DIP2C: variants seen among roughly 807,000 people sequenced by gnomAD.
DIP2C encodes DIP2 acetate--CoA ligase C (putative).
A neutral mutation model predicts 192.4 loss-of-function variants in DIP2C; 33 were observed. The observed-to-expected ratio is 0.17, with a 90% CI of 0.13 to 0.23. The LOEUF is 0.23. DIP2C is among the 10% of genes least tolerant of loss of function. The pLI, the probability that DIP2C is intolerant of heterozygous loss-of-function variation, is 1.00. For synonymous variants in DIP2C, 979 were observed against 864.1 expected (o/e 1.13, Z -2.33); for missense variants, 1,537 against 2,110.1 (o/e 0.73, Z 5.32).
intron 1 of DIP2C, among the ~76,000 whole-genome samples, chr10:671,955 A>G (rs1392804569): frequency 6.9e-6 from 1 of 144,980 alleles, no homozygotes; most frequent in Non-Finnish European, 1.5e-5. Context: ...ACACGGAAGG[A>G]GGAAACAGGC....
chr10:289,572 T>C (rs965989500), intron 32 of DIP2C, among the ~76,000 whole-genome samples: 10 of 152,076 alleles, frequency 6.6e-5, no homozygotes, highest in Admixed American at 4.6e-4. Context: ...CAGCCCTCAC[T>C]GAGATTTGAA....
intron 29 of DIP2C, among the ~76,000 whole-genome samples, chr10:330,636 G>A (rs1319385715): frequency 6.9e-6 from 1 of 144,020 alleles, no homozygotes; most frequent in East Asian, 2.1e-4. Flanking sequence ...CCACAGGTGT[G>A]CACCACCATG....
At chr10:578,379 G>A (rs555167400) in intron 1 of DIP2C, among the ~76,000 whole-genome samples, 2 of 152,212 alleles carry the variant, frequency 1.3e-5, no homozygotes, top group Non-Finnish European at 2.9e-5. Context: ...TTGAGCTGAG[G>A]GCTGACAAAG....
At chr10:333,266 A>T (rs1257569852) in intron 29 of DIP2C, among the ~76,000 whole-genome samples, 1 of 152,194 alleles carries the variant, frequency 6.6e-6, no homozygotes. Flanking sequence ...AGTTTCACTC[A>T]TTTTAAGCAC....
intron 3 of DIP2C, among the ~76,000 whole-genome samples, chr10:468,125 G>T (rs539640327): frequency 2.6e-5 from 4 of 152,240 alleles, no homozygotes; most frequent in Non-Finnish European, 4.4e-5. Flanking sequence ...AAAGCAGACA[G>T]AAAATTGTGA....
At position 288,365 on chromosome 10, in the gene DIP2C, T is replaced by A. The variant is rs369917490; in HGVS notation, c.4043A>T (p.Lys1348Met). The change falls in exon 33 of 37, where the codon AAG becomes ATG. Residue 1348 changes from lysine to methionine, a missense_variant and splice_region_variant. Coordinates refer to ENST00000280886, the MANE Select transcript of DIP2C (RefSeq NM_014974.3). ...CGTGCCTCTTCCTATAATACTTACC[T>A]TTCCCGATTCCATCAGGGGCAGACT... Reference protein sequence around the residue: ...PHSLPLMESGKILPGVRIIIA... With the variant: ...PHSLPLMESGMILPGVRIIIA... 5 of 1,613,904 alleles carry A rather than the reference T, an allele frequency of 3.1e-6. No homozygotes were observed. The highest frequency in any genetic ancestry group is 4.2e-6 in the Non-Finnish European group (5 of 1,179,914).
intron 11 of DIP2C, 89 bp downstream of exon 11, chr10:390,651 A>G: frequency 6.5e-7 from 1 of 1,544,436 alleles, no homozygotes; most frequent in Middle Eastern, 2.1e-4. Flanking sequence ...TCCACAGAGG[A>G]TTGAAACCGA....
At position 395,431 on chromosome 10, in the gene DIP2C, TTAAAA is replaced by T. The variant is rs138336067; in HGVS notation, c.1260+3673_1260+3677del. The stretch of plus-strand genomic sequence containing the variant: ...AATGTATATAATTATAACTTGTCAG[TTAAAA>T]TAATATTTAAAAAGTAAAATCAAGT... On this transcript the variant is annotated intron_variant, in intron 10 of 36. Coordinates refer to ENST00000280886, the MANE Select transcript of DIP2C (RefSeq NM_014974.3). 7.4e-3 allele frequency among the ~76,000 whole-genome samples: 1,127 copies of T among 152,260 alleles called. 9 individuals are homozygous for T. Among genetic ancestry groups the T allele is most frequent in the African/African-American group, 0.026 (1,093 of 41,540 alleles).
At chr10:559,322 T>TGGGGAGCGCCG (rs1849069858) in intron 1 of DIP2C, among the ~76,000 whole-genome samples, 2 of 150,636 alleles carry the variant, frequency 1.3e-5, no homozygotes, top group African/African-American at 2.4e-5. Flanking sequence ...ATGGGGGCGG[T>TGGGGAGCGCCG]GGGGAACGCC....
chr10:484,104 C>T (rs769482186), intron 2 of DIP2C, among the ~76,000 whole-genome samples: 2 of 152,210 alleles, frequency 1.3e-5, no homozygotes, highest in South Asian at 2.1e-4. Flanking sequence ...CCACCACCCC[C>T]GGCCTTGTAT....
Position 611,042 on chromosome 10 carries a change from C to T in DIP2C, c.85+78452G>A, listed in dbSNP as rs370160495. On this transcript the variant is annotated intron_variant, in intron 1 of 36. Coordinates refer to ENST00000280886, the MANE Select transcript of DIP2C (RefSeq NM_014974.3). ...GCCCTGGTGGGAGGTGACTGACTCA[C>T]GGGGGTGCTTTCTAACACCCAGTGT... 1.8e-3 allele frequency among the ~76,000 whole-genome samples: 197 copies of T among 110,856 alleles called. 3 individuals carry two copies. The Middle Eastern group carries it at 0.029, about 17-fold the overall frequency. 72.7% of individuals were successfully genotyped at this position (110,856 alleles called of 152,430 possible). A position where few individuals can be genotyped will look rare whatever the true frequency, so the allele number is the denominator to read the frequency against.
At position 541,600 on chromosome 10, in the gene DIP2C, C is replaced by T. The variant is rs565635074; in HGVS notation, c.86-55070G>A. Among the ~76,000 whole-genome samples, 6 of 139,508 alleles carry T rather than the reference C, an allele frequency of 4.3e-5. No homozygotes were observed. In the East Asian group the frequency reaches 6.8e-4, roughly 16 times the overall value. The allele number at this position is 139,508 out of a possible 152,430, so 91.5% of individuals were successfully genotyped here. A position where few individuals can be genotyped will look rare whatever the true frequency, so the allele number is the denominator to read the frequency against. On this transcript the variant is annotated intron_variant, in intron 1 of 36. Coordinates refer to ENST00000280886, the MANE Select transcript of DIP2C (RefSeq NM_014974.3). ...CTCTCCTGGATCCCACAGCGTGACC[C>T]TCCACATGACCACACCCATCTCTCC...
chr10:597,072 G>A (rs1343714162), intron 1 of DIP2C, among the ~76,000 whole-genome samples: 2 of 152,224 alleles, frequency 1.3e-5, no homozygotes, highest in South Asian at 2.1e-4. Context: ...ATCCTCGCCA[G>A]TGTAGGGGGC....
intron 22 of DIP2C, among the ~76,000 whole-genome samples, chr10:360,130 C>T (rs549594009): frequency 1.3e-5 from 2 of 152,314 alleles, no homozygotes; most frequent in African/African-American, 2.4e-5. Context: ...TACATGAAGA[C>T]GTAGCACGTT....
At chr10:603,159 G>A (rs1035065475) in intron 1 of DIP2C, among the ~76,000 whole-genome samples, 4 of 151,898 alleles carry the variant, frequency 2.6e-5, no homozygotes, top group Non-Finnish European at 5.9e-5. Context: ...CATATACTAA[G>A]TATATAAAAC....
intron 1 of DIP2C, among the ~76,000 whole-genome samples, chr10:503,515 T>TA (rs1845394147): frequency 6.6e-6 from 1 of 152,206 alleles, no homozygotes; most frequent in Non-Finnish European, 1.5e-5. Context: ...AGATGTATCT[T>TA]AAAGCTGGCG....
At chr10:423,545 C>A (rs1966356179) in intron 4 of DIP2C, among the ~76,000 whole-genome samples, 1 of 152,142 alleles carries the variant, frequency 6.6e-6, no homozygotes, top group Admixed American at 6.5e-5. Context: ...GACACCCATG[C>A]AGCTGATTTA....
At chr10:359,338 G>C (rs749552407) in intron 22 of DIP2C, among the ~76,000 whole-genome samples, 1 of 152,176 alleles carries the variant, frequency 6.6e-6, no homozygotes, top group Non-Finnish European at 1.5e-5. Context: ...TATCACAGCT[G>C]CGCAGGAGAA....
chr10:546,942 C>T (rs1325026529), intron 1 of DIP2C, among the ~76,000 whole-genome samples: 1 of 152,186 alleles, frequency 6.6e-6, no homozygotes, highest in Admixed American at 6.5e-5. Flanking sequence ...TCAATTTGTT[C>T]ATTTTTCAGG....
Sources: gnomAD v4.1 joint callset for allele counts (sites outside exome capture counted in the v4.1 genomes callset) on GRCh38, gnomAD v4.1.1 for gene constraint, MANE v1.5 for transcripts, NCBI Gene and HGNC (gene_info 2026-07-23, HGNC 2026-07-21) for gene names.